Variants in ATP1B1 observed in about 807,000 individuals in gnomAD.
The protein encoded by ATP1B1 is ATPase Na+/K+ transporting subunit beta 1.
ATP1B1 carries 3 observed loss-of-function variants against 39.6 expected under a neutral mutation model. The observed-to-expected ratio is 0.08, with a 90% CI of 0.03 to 0.20. The LOEUF (loss-of-function observed/expected upper bound fraction) is 0.20, where lower values mean the gene tolerates loss of function less well. ATP1B1 is among the 10% of genes least tolerant of loss of function. The pLI is 1.00. For synonymous variants in ATP1B1, 139 were observed against 135.0 expected, an observed-to-expected ratio of 1.03 and a Z score of -0.20; for missense variants, 216 against 371.1, an observed-to-expected ratio of 0.58 and a Z score of 3.43.
intron 2 of ATP1B1, among the ~76,000 whole-genome samples, chr1:169,117,899 T>C (rs1370108734): frequency 6.6e-6 from 1 of 152,230 alleles, no homozygotes; most frequent in East Asian, 1.9e-4. Flanking sequence ...ATGCAGTGTC[T>C]TGTTTCAGGA....
chr1:169,109,637 T>C (rs745985753), intron 1 of ATP1B1, among the ~76,000 whole-genome samples: 63 of 152,316 alleles, frequency 4.1e-4, no homozygotes, highest in Middle Eastern at 3.4e-3. Context: ...CTTATTTGTA[T>C]TTTAAACTGT....
chr1:169,132,081 C>A lies in ATP1B1; in HGVS notation c.*526C>A. 2 of 319,700 alleles carry A rather than the reference C, an allele frequency of 6.3e-6. No homozygotes were observed. Among genetic ancestry groups the A allele is most frequent in the South Asian group, 2.6e-5 (1 of 38,074 alleles). 19.8% of individuals were successfully genotyped at this position (319,700 alleles called of 1,614,324 possible). A position where few individuals can be genotyped will look rare whatever the true frequency, so the allele number is the denominator to read the frequency against. On this transcript the variant is annotated 3_prime_UTR_variant, in exon 6 of 6. Coordinates refer to ENST00000367815, the MANE Select transcript of ATP1B1 (RefSeq NM_001677.4). ...TCAAAGGTAATGGCCCATCGATGAGCATTTTTAACATACTCCATAGTCTTT... is the reference window on the plus strand; with the variant it reads ...TCAAAGGTAATGGCCCATCGATGAGAATTTTTAACATACTCCATAGTCTTT...
intron 2 of ATP1B1, among the ~76,000 whole-genome samples, chr1:169,114,949 C>T (rs7413496): frequency 6.7e-6 from 1 of 149,196 alleles, no homozygotes; most frequent in Non-Finnish European, 1.5e-5. Flanking sequence ...CCCAGCACTT[C>T]CGAGGCAGGC....
intron 3 of ATP1B1, among the ~76,000 whole-genome samples, chr1:169,126,916 A>G (rs1011801718): frequency 8.5e-5 from 13 of 152,348 alleles, no homozygotes; most frequent in African/African-American, 3.1e-4. Context: ...TCTTCTAAAT[A>G]GCTGAGTAAT....
At chr1:169,118,650 T>G (rs768402341) in intron 2 of ATP1B1, among the ~76,000 whole-genome samples, 8 of 152,272 alleles carry the variant, frequency 5.3e-5, no homozygotes, top group Admixed American at 1.3e-4. Flanking sequence ...TATGTGCGTA[T>G]GCATACATAT....
At chr1:169,126,229 A>T (rs1658081945) in intron 3 of ATP1B1, among the ~76,000 whole-genome samples, 1 of 152,222 alleles carries the variant, frequency 6.6e-6, no homozygotes, top group African/African-American at 2.4e-5. Context: ...GCAGTAATTA[A>T]AAGGCCTGAG....
chr1:169,130,456 G>A (rs1402933550), intron 5 of ATP1B1, among the ~76,000 whole-genome samples: 1 of 151,980 alleles, frequency 6.6e-6, no homozygotes, highest in Non-Finnish European at 1.5e-5. Flanking sequence ...AAAAATTAAT[G>A]TCACATAAAA....
Position 169,127,395 on chromosome 1 carries a change from G to C in ATP1B1, c.554G>C (p.Gly185Ala), listed in dbSNP as rs763542726. The change falls in exon 4 of 6, where the codon GGC becomes GCC. Residue 185 changes from glycine (G) to alanine (A), a missense_variant. Coordinates refer to ENST00000367815, the MANE Select transcript of ATP1B1 (RefSeq NM_001677.4). The stretch of plus-strand genomic sequence containing the variant: ...ATTATAAAGCTCAACCGAGTTCTAG[G>C]CTTCAAACCTAAGGCAAGTAATATT... ...CIIIKLNRVL[G>A]FKPKPPKNES... 6.2e-7 allele frequency: 1 copy of C among 1,610,240 alleles called. No individual in the cohort carries two copies. Among genetic ancestry groups the C allele is most frequent in the East Asian group, 2.2e-5 (1 of 44,804 alleles).
chr1:169,121,629 G>A (rs1657982302), intron 2 of ATP1B1, among the ~76,000 whole-genome samples: 1 of 152,154 alleles, frequency 6.6e-6, no homozygotes, highest in African/African-American at 2.4e-5. Context: ...AATGCAAGCA[G>A]CCAGAAAGTG....
At chr1:169,123,537 C>T (rs1446379940) in intron 2 of ATP1B1, among the ~76,000 whole-genome samples, 2 of 151,668 alleles carry the variant, frequency 1.3e-5, no homozygotes, top group African/African-American at 4.8e-5. Flanking sequence ...AATAAAAATA[C>T]AGGGTGCCCA....
intron 2 of ATP1B1, among the ~76,000 whole-genome samples, chr1:169,120,989 C>T (rs1475288517): frequency 6.8e-6 from 1 of 147,290 alleles, no homozygotes; most frequent in Non-Finnish European, 1.5e-5. Flanking sequence ...GCTCTGTTGC[C>T]CAGGCTGGAG....
intron 2 of ATP1B1, among the ~76,000 whole-genome samples, chr1:169,116,923 CTTGA>C (rs1227627211): frequency 5.9e-5 from 9 of 152,026 alleles, no homozygotes; most frequent in Admixed American, 1.3e-4. Context: ...TCTATCTCAG[CTTGA>C]TTAAGTAAAA....
At chr1:169,113,745 C>T (rs1253162906) in intron 2 of ATP1B1, among the ~76,000 whole-genome samples, 2 of 152,220 alleles carry the variant, frequency 1.3e-5, no homozygotes, top group African/African-American at 4.8e-5. Context: ...TTGGACTGAC[C>T]TGACAAACCC....
chr1:169,117,380 TTATTTC>T (rs1657874031), intron 2 of ATP1B1, among the ~76,000 whole-genome samples: 1 of 152,238 alleles, frequency 6.6e-6, no homozygotes, highest in African/African-American at 2.4e-5. Flanking sequence ...GGTGATTTCT[TTATTTC>T]TAAAGACAAG....
Position 169,131,917 on chromosome 1 carries a change from C to T in ATP1B1, c.*362C>T. On this transcript the variant is annotated 3_prime_UTR_variant, in exon 6 of 6. Transcript: ENST00000367815. This position sits in a 1 kb window ranked among gnomAD's most constrained non-coding sequence, Gnocchi z 4.4. ...CAGTACTACAGGTGCATACTCTGGTCATTTTTCAAGCCATGTTTTATTGTA... is the reference window on the plus strand; with the variant it reads ...CAGTACTACAGGTGCATACTCTGGTTATTTTTCAAGCCATGTTTTATTGTA... 3.1e-6 allele frequency: 1 copy of T among 326,824 alleles called. No individual in the cohort carries two copies. Among genetic ancestry groups the T allele is most frequent in the Non-Finnish European group, 5.7e-6 (1 of 176,382 alleles). 20.2% of individuals were successfully genotyped at this position (326,824 alleles called of 1,614,324 possible). A position where few individuals can be genotyped will look rare whatever the true frequency, so the allele number is the denominator to read the frequency against.
intron 2 of ATP1B1, among the ~76,000 whole-genome samples, chr1:169,121,076 T>A (rs1257833867): frequency 6.6e-6 from 1 of 152,006 alleles, no homozygotes; most frequent in Non-Finnish European, 1.5e-5. Context: ...GCCTCCCAAG[T>A]AGCTGGGATT....
Position 169,131,910 on chromosome 1 carries a change from C to T in ATP1B1, c.*355C>T, listed in dbSNP as rs986756282. ...TAGTGTACAGTACTACAGGTGCATA[C>T]TCTGGTCATTTTTCAAGCCATGTTT... On this transcript the variant is annotated 3_prime_UTR_variant, in exon 6 of 6. Coordinates refer to ENST00000367815, the MANE Select transcript of ATP1B1 (RefSeq NM_001677.4). This position sits in a 1 kb window ranked among gnomAD's most constrained non-coding sequence, Gnocchi z 4.4. 3.0e-6 allele frequency: 1 copy of T among 335,408 alleles called. No homozygotes were observed. The highest frequency in any genetic ancestry group is 5.5e-6 in the Non-Finnish European group (1 of 181,722). The allele number at this position is 335,408 out of a possible 1,614,324, so 20.8% of individuals were successfully genotyped here.
intron 2 of ATP1B1, 28 bp from the exon 3 acceptor site, chr1:169,124,856 C>T: frequency 6.2e-7 from 1 of 1,604,356 alleles, no homozygotes; most frequent in South Asian, 1.1e-5. Context: ...TGCCTTCCTA[C>T]TAATGTTTTT....
rs577793173 is a variant in ATP1B1 at position 169,127,505 on chromosome 1, T to C, written c.567+97T>C. On this transcript the variant is annotated intron_variant, in intron 4 of 5. Transcript: ENST00000367815. ...AATGTAAGATAGTTTTAAAGTATAC[T>C]CAGTGCTGACTTTGAAACGTAGCCA... 3.7e-6 allele frequency: 5 copies of C among 1,344,350 alleles called. No individual in the cohort carries two copies. The South Asian group carries it at 7.3e-5, about 20-fold the overall frequency. 83.3% of individuals were successfully genotyped at this position (1,344,350 alleles called of 1,614,324 possible).
Sources: gnomAD v4.1 joint callset for allele counts (sites outside exome capture counted in the v4.1 genomes callset) on GRCh38, gnomAD v4.1.1 for gene constraint, Gnocchi (gnomAD v3.1) non-coding constraint, MANE v1.5 for transcripts, NCBI Gene and HGNC (gene_info 2026-07-23, HGNC 2026-07-21) for gene names.